Variants in PTPN2 observed in about 807,000 individuals in gnomAD.
The protein encoded by PTPN2 is protein tyrosine phosphatase non-receptor type 2, also known as tyrosine-protein phosphatase non-receptor type 2.
A neutral mutation model predicts 57.3 loss-of-function variants in PTPN2; 19 were observed. That is an observed-to-expected ratio of 0.33 (90% CI 0.23 to 0.49). The LOEUF (loss-of-function observed/expected upper bound fraction) is 0.49, where lower values mean the gene tolerates loss of function less well. Ranked by LOEUF, PTPN2 falls within the 20% of genes least tolerant of loss-of-function variation. PTPN2 has a pLI of 0.99. For synonymous variants in PTPN2, 153 were observed against 164.9 expected (o/e 0.93, Z 0.55); for missense variants, 358 against 501.1 (o/e 0.71, Z 2.73).
chr18:12,880,317 C>T (rs2044627397), intron 1 of PTPN2, among the ~76,000 whole-genome samples: 1 of 152,134 alleles, frequency 6.6e-6, no homozygotes, highest in Non-Finnish European at 1.5e-5. Flanking sequence ...AGACACAGGC[C>T]ATGAGGTCTT....
chr18:12,878,019 G>A (rs1325205095), intron 1 of PTPN2, among the ~76,000 whole-genome samples: 3 of 150,212 alleles, frequency 2.0e-5, no homozygotes, highest in Non-Finnish European at 4.4e-5. Flanking sequence ...AACAGAGCAA[G>A]ACTGTCTCAA....
intron 2 of PTPN2, among the ~76,000 whole-genome samples, chr18:12,841,653 C>T (rs992065669): frequency 9.2e-5 from 14 of 152,192 alleles, no homozygotes; most frequent in African/African-American, 3.4e-4. Flanking sequence ...CGTCTTTCAA[C>T]CCATCATGAT....
chr18:12,803,589 G>T (rs980900855), intron 7 of PTPN2, among the ~76,000 whole-genome samples: 1 of 152,148 alleles, frequency 6.6e-6, no homozygotes, highest in Non-Finnish European at 1.5e-5. Flanking sequence ...AAGAGAAGAG[G>T]AGTAGCTATA....
intron 1 of PTPN2, among the ~76,000 whole-genome samples, chr18:12,872,552 G>C (rs1345785802): frequency 1.3e-5 from 2 of 152,138 alleles, no homozygotes; most frequent in Admixed American, 1.3e-4. Context: ...GAGACAAACA[G>C]TGCTGGGATT....
chr18:12,883,443 C>T (rs1200949957), intron 1 of PTPN2, among the ~76,000 whole-genome samples: 2 of 152,190 alleles, frequency 1.3e-5, no homozygotes, highest in East Asian at 3.9e-4. Flanking sequence ...CACCCCCAAC[C>T]ACCGCGGCTC....
chr18:12,793,832 A>G lies in PTPN2; in HGVS notation c.*446T>C. 1.0e-6 allele frequency: 1 copy of G among 967,448 alleles called. No individual in the cohort carries two copies. The highest frequency in any genetic ancestry group is 5.3e-4 in the Middle Eastern group (1 of 1,870). The allele number at this position is 967,448 out of a possible 1,614,324, so 59.9% of individuals were successfully genotyped here. On this transcript the variant is annotated 3_prime_UTR_variant, in exon 9 of 9. Transcript: ENST00000309660. ...AATAAAAGTGTTGATGCCCATGTCAATAGTACATTATACATTACACACATT... is the reference window on the plus strand; with the variant it reads ...AATAAAAGTGTTGATGCCCATGTCAGTAGTACATTATACATTACACACATT...
chr18:12,813,965 C>A (rs1423315225), intron 7 of PTPN2, among the ~76,000 whole-genome samples: 1 of 152,138 alleles, frequency 6.6e-6, no homozygotes, highest in Non-Finnish European at 1.5e-5. Context: ...AATTCAGTTT[C>A]TTTAATGAAA....
chr18:12,879,935 C>T (rs2145547555), intron 1 of PTPN2, among the ~76,000 whole-genome samples: 1 of 152,336 alleles, frequency 6.6e-6, no homozygotes, highest in Admixed American at 6.5e-5. Context: ...ACCTTAAACA[C>T]TTTTTTCCTA....
chr18:12,838,190 G>C (rs111355339), intron 2 of PTPN2, among the ~76,000 whole-genome samples: 8 of 152,316 alleles, frequency 5.3e-5, no homozygotes, highest in African/African-American at 1.7e-4. Context: ...CCAAAGGAAT[G>C]TATTTCCTCA....
At chr18:12,881,328 G>A (rs550343277) in intron 1 of PTPN2, among the ~76,000 whole-genome samples, 19 of 152,160 alleles carry the variant, frequency 1.2e-4, no homozygotes, top group Middle Eastern at 6.8e-3. Context: ...TTTCAACTAC[G>A]CAGGAGGCTG....
chr18:12,827,191 A>C (rs1439182754), intron 4 of PTPN2, among the ~76,000 whole-genome samples: 2 of 151,686 alleles, frequency 1.3e-5, no homozygotes, highest in Non-Finnish European at 2.9e-5. Flanking sequence ...AAAATACAAC[A>C]AATTAGCCGG....
chr18:12,874,176 G>GCGAGC (rs1482712986), intron 1 of PTPN2, among the ~76,000 whole-genome samples: 15 of 151,284 alleles, frequency 9.9e-5, no homozygotes, highest in Admixed American at 9.2e-4. Flanking sequence ...CCCCCGCCAG[G>GCGAGC]CGAGCCGCCC....
At chr18:12,872,635 G>A (rs1325026154) in intron 1 of PTPN2, among the ~76,000 whole-genome samples, 1 of 151,876 alleles carries the variant, frequency 6.6e-6, no homozygotes, top group African/African-American at 2.4e-5. Context: ...GGGATCACCA[G>A]GTGGGCCTAT....
chr18:12,831,085 A>G, intron 3 of PTPN2, 44 bp from the exon 4 acceptor site: 1 of 1,392,072 alleles, frequency 7.2e-7, no homozygotes, highest in Non-Finnish European at 1.0e-6. Context: ...AAGCAGACAG[A>G]AAGAGCAAGG....
intron 5 of PTPN2, among the ~76,000 whole-genome samples, chr18:12,819,820 T>TGGGGGGGGGGGGGGGGG (rs759044984): frequency 1.1e-5 from 1 of 91,614 alleles, no homozygotes; most frequent in Non-Finnish European, 2.2e-5. Flanking sequence ...CAGCGGGGGG[T>TGGGGGGGGGGGGGGGGG]GGGGGGGATA....
intron 8 of PTPN2, among the ~76,000 whole-genome samples, chr18:12,801,080 G>A (rs746910602): frequency 6.6e-6 from 1 of 152,128 alleles, no homozygotes; most frequent in Admixed American, 6.5e-5. Context: ...ATATATTTTA[G>A]CACCCAATTA....
chr18:12,805,909 T>A lies in PTPN2; in HGVS notation c.859-3758A>T, dbSNP rs1244360284. ...CCCCAAAGTGCTGGGATTACAGGCA[T>A]GAGCCACCGCACCGGGCTAGGATGC... On this transcript the variant is annotated intron_variant, in intron 7 of 8. Transcript: ENST00000309660. Among the ~76,000 whole-genome samples the A allele has an allele frequency of 2.0e-5, 3 of 152,292 alleles. No homozygotes were observed. In the East Asian group the frequency reaches 5.8e-4, roughly 29 times the overall value.
At chr18:12,867,904 C>A (rs562291215) in intron 1 of PTPN2, among the ~76,000 whole-genome samples, 53 of 152,288 alleles carry the variant, frequency 3.5e-4, no homozygotes, top group African/African-American at 4.1e-4. Context: ...GCTGCCTCTA[C>A]CTCATACTAT....
intron 1 of PTPN2, among the ~76,000 whole-genome samples, chr18:12,872,746 A>G (rs1156771579): frequency 6.6e-6 from 1 of 152,240 alleles, no homozygotes; most frequent in Non-Finnish European, 1.5e-5. Flanking sequence ...AAAGGTATCT[A>G]TGATCTTTAA....
Sources: allele counts gnomAD v4.1 joint callset (sites outside exome capture counted in the v4.1 genomes callset), GRCh38; gene constraint gnomAD v4.1.1; transcripts MANE v1.5; gene names NCBI Gene and HGNC (gene_info 2026-07-23, HGNC 2026-07-21).